SCRN1: variants seen among roughly 807,000 people sequenced by gnomAD.
The protein encoded by SCRN1 is secernin 1.
Under a neutral mutation model 43.3 loss-of-function variants are expected in SCRN1, and 19 were observed. That is an observed-to-expected ratio of 0.44 (90% CI 0.31 to 0.64). SCRN1 has a LOEUF of 0.64. Among genes scored for constraint, SCRN1 ranks in the 30% least tolerant of loss-of-function variants. The pLI, the probability that SCRN1 is intolerant of heterozygous loss-of-function variation, is 0.09. For synonymous variants in SCRN1, 183 were observed against 188.9 expected (o/e 0.97, Z 0.26); for missense variants, 447 against 524.1 (o/e 0.85, Z 1.44).
At chr7:29,989,565 A>T (rs1789292173) in intron 1 of SCRN1, 77 bp downstream of exon 1, 2 of 985,576 alleles carry the variant, frequency 2.0e-6, no homozygotes, top group South Asian at 4.7e-5. Context: ...GAAACGCAGG[A>T]GGTGGCGATG....
At chr7:29,976,300 T>C (rs552108942) in intron 1 of SCRN1, among the ~76,000 whole-genome samples, 2 of 152,316 alleles carry the variant, frequency 1.3e-5, no homozygotes, top group South Asian at 2.1e-4. Context: ...TTTTAATTAA[T>C]TTCAAGTTAA....
At chr7:29,953,837 C>T (rs1788039331) in intron 3 of SCRN1, among the ~76,000 whole-genome samples, 4 of 152,046 alleles carry the variant, frequency 2.6e-5, no homozygotes, top group Non-Finnish European at 5.9e-5. Context: ...AACCCCATTC[C>T]TTTTTCTAGG....
intron 1 of SCRN1, among the ~76,000 whole-genome samples, chr7:29,972,903 C>T (rs569243368): frequency 1.3e-5 from 2 of 152,248 alleles, no homozygotes; most frequent in East Asian, 1.9e-4. Context: ...TTATTCAAAA[C>T]GTAAATTAAT....
At chr7:29,940,484 G>A (rs1404705577) in intron 5 of SCRN1, among the ~76,000 whole-genome samples, 198 bp downstream of exon 5, 1 of 152,230 alleles carries the variant, frequency 6.6e-6, no homozygotes, top group East Asian at 1.9e-4. Context: ...CTCCAGGGAT[G>A]AGGAAGCACC....
intron 4 of SCRN1, among the ~76,000 whole-genome samples, chr7:29,942,440 C>T (rs560994187): frequency 1.3e-5 from 2 of 152,284 alleles, no homozygotes; most frequent in African/African-American, 4.8e-5. Flanking sequence ...TTTGAAGAGA[C>T]GCTCAGCTTT....
chr7:29,968,760 G>A, intron 2 of SCRN1, 149 bp downstream of exon 2: 4 of 951,716 alleles, frequency 4.2e-6, no homozygotes, highest in Non-Finnish European at 1.6e-6. Context: ...TCAAGGCTAT[G>A]AGCAAACCTG....
Position 29,922,195 on chromosome 7 carries a change from A to T in SCRN1, c.*1762T>A, listed in dbSNP as rs1786791475. 1 of 152,358 alleles carries T rather than the reference A, an allele frequency of 6.6e-6. No individual in the cohort carries two copies. The highest frequency in any genetic ancestry group is 2.4e-5 in the African/African-American group (1 of 41,576). 9.4% of individuals were successfully genotyped at this position (152,358 alleles called of 1,614,324 possible). On this transcript the variant is annotated 3_prime_UTR_variant, in exon 8 of 8. Coordinates refer to ENST00000242059, the MANE Select transcript of SCRN1 (RefSeq NM_014766.5). Reference sequence around the variant, plus strand: ...ATTATTGGTTGCCATTAACTCTGTCAGCTGAAATCGTCTTCCCATCACCCA... The same window carrying T: ...ATTATTGGTTGCCATTAACTCTGTCTGCTGAAATCGTCTTCCCATCACCCA...
chr7:29,974,686 T>TC, intron 1 of SCRN1, among the ~76,000 whole-genome samples: 1 of 135,170 alleles, frequency 7.4e-6, no homozygotes, highest in Non-Finnish European at 1.6e-5. Context: ...TCTTTCTTTC[T>TC]TTTTTTTTTT....
In SCRN1 at chr7:29,940,729, T is replaced by C. The variant is rs770795123; in HGVS notation, c.692A>G (p.Asp231Gly). Residue 231 changes from aspartate to glycine, a missense_variant, in exon 5 of 8, where the codon GAT becomes GGT. Transcript: ENST00000242059. Reference sequence around the variant, plus strand: ...TTTGCCAGCACCGCAGTCTAGATGATCCTCAACTGGAGAAAAGACTTCGGA... The same window carrying C: ...TTTGCCAGCACCGCAGTCTAGATGACCCTCAACTGGAGAAAAGACTTCGGA... ...NFSEVFSPVE[D>G]HLDCGAGKDS... The C allele has an allele frequency of 1.2e-6, 2 of 1,606,882 alleles. No individual in the cohort carries two copies. The highest frequency in any genetic ancestry group is 1.7e-5 in the Admixed American group (1 of 57,844).
Position 29,989,788 on chromosome 7 carries a change from C to G in SCRN1, c.-148G>C. ...GCGGAGGCGGCCGCCGGGCGCTTCC[C>G]CCTACCCAGACTCCCGGCGCTGGGG... On this transcript the variant is annotated 5_prime_UTR_variant, in exon 1 of 8. Coordinates refer to ENST00000242059, the MANE Select transcript of SCRN1 (RefSeq NM_014766.5). 1 of 988,336 alleles carries G rather than the reference C, an allele frequency of 1.0e-6. No homozygotes were observed. The highest frequency in any genetic ancestry group is 1.2e-6 in the Non-Finnish European group (1 of 832,304). The allele number at this position is 988,336 out of a possible 1,614,324, so 61.2% of individuals were successfully genotyped here.
chr7:29,973,252 T>C (rs1425352441), intron 1 of SCRN1, among the ~76,000 whole-genome samples: 2 of 152,256 alleles, frequency 1.3e-5, no homozygotes, highest in African/African-American at 4.8e-5. Flanking sequence ...TCTCATATCC[T>C]GACTCTGAAA....
In SCRN1 at chr7:29,976,753, T is replaced by C. The variant is rs1367175808; in HGVS notation, c.-1-7685A>G. Among the ~76,000 whole-genome samples the C allele has an allele frequency of 2.6e-5, 4 of 152,248 alleles. No homozygotes were observed. The East Asian group carries it at 7.7e-4, about 29-fold the overall frequency. On this transcript the variant is annotated intron_variant, in intron 1 of 7. Coordinates refer to ENST00000242059, the MANE Select transcript of SCRN1 (RefSeq NM_014766.5). ...CTTATCAAACTTCTTTCAGGATTCATGACTTCCTCTTGGGAACAAGATAGT... is the reference window on the plus strand; with the variant it reads ...CTTATCAAACTTCTTTCAGGATTCACGACTTCCTCTTGGGAACAAGATAGT...
At chr7:29,978,122 T>C (rs1458493425) in intron 1 of SCRN1, among the ~76,000 whole-genome samples, 1 of 152,226 alleles carries the variant, frequency 6.6e-6, no homozygotes, top group Admixed American at 6.5e-5. Flanking sequence ...AACTCTGTGG[T>C]CTTCAGTGCC....
At chr7:29,967,390 A>AT (rs1788531074) in intron 2 of SCRN1, among the ~76,000 whole-genome samples, 4 of 139,848 alleles carry the variant, frequency 2.9e-5, no homozygotes, top group Non-Finnish European at 4.7e-5. Flanking sequence ...ATTCATGTAT[A>AT]CTTTTTTTTT....
At chr7:29,985,621 T>C (rs376797474) in intron 1 of SCRN1, among the ~76,000 whole-genome samples, 19 of 152,184 alleles carry the variant, frequency 1.2e-4, no homozygotes, top group African/African-American at 4.6e-4. Flanking sequence ...CAATGCACTG[T>C]GCAGTTATGT....
At chr7:29,929,428 C>A (rs867602943) in intron 6 of SCRN1, among the ~76,000 whole-genome samples, 14 of 152,266 alleles carry the variant, frequency 9.2e-5, no homozygotes, top group African/African-American at 3.4e-4. Context: ...AAAGCCCACT[C>A]CAAACCCAAG....
In SCRN1 at chr7:29,955,211, C is replaced by G; in HGVS notation, c.309G>C (p.Glu103Asp). The change falls in exon 3 of 8, where the codon GAG becomes GAC. Residue 103 changes from glutamate (E) to aspartate (D), a missense_variant. Glu to Asp is a conservative substitution (Grantham distance 45). Coordinates refer to ENST00000242059, the MANE Select transcript of SCRN1 (RefSeq NM_014766.5). The part of the protein sequence containing the change: ...EAINTREPAA[E>D]IEALLGMDLV... Reference sequence around the variant, plus strand: ...GATCCATCCCCAGCAAGGCTTCTATCTCGGCAGCTGGCTCTCTGGTGTTGA... The same window carrying G: ...GATCCATCCCCAGCAAGGCTTCTATGTCGGCAGCTGGCTCTCTGGTGTTGA... 1 of 1,614,196 alleles carries G rather than the reference C, an allele frequency of 6.2e-7. No individual in the cohort carries two copies.
intron 3 of SCRN1, among the ~76,000 whole-genome samples, chr7:29,953,251 T>A (rs1358175693): frequency 6.6e-6 from 1 of 152,252 alleles, no homozygotes; most frequent in Non-Finnish European, 1.5e-5. Flanking sequence ...AAAATTTCCA[T>A]TGCTCAATTT....
intron 1 of SCRN1, among the ~76,000 whole-genome samples, chr7:29,974,516 C>T (rs764088218): frequency 1.6e-4 from 25 of 151,912 alleles, no homozygotes; most frequent in Non-Finnish European, 3.2e-4. Context: ...CGAAACCCTT[C>T]GGAAAGTGAT....
Sources: gnomAD v4.1 joint callset for allele counts (sites outside exome capture counted in the v4.1 genomes callset) on GRCh38, gnomAD v4.1.1 for gene constraint, MANE v1.5 for transcripts, NCBI Gene and HGNC (gene_info 2026-07-23, HGNC 2026-07-21) for gene names.